The following MKI67 variants were observed in gnomAD, a reference collection of about 807,000 sequenced individuals.
MKI67 encodes proliferation marker protein Ki-67.
In MKI67, 152 loss-of-function variants were observed where a neutral mutation model predicts 233.5. That is an observed-to-expected ratio of 0.65 (90% CI 0.57 to 0.74). MKI67 has a LOEUF of 0.74. Ranked by LOEUF, MKI67 falls within the 30% of genes least tolerant of loss-of-function variation. The pLI, the probability that MKI67 is intolerant of heterozygous loss-of-function variation, is 0.00. For synonymous variants in MKI67, 1,465 were observed against 1,418.5 expected (o/e 1.03, Z -0.74); for missense variants, 3,940 against 3,885.2 (o/e 1.01, Z -0.37).
In MKI67 at chr10:128,103,672, T is replaced by A; in HGVS notation, c.8168A>T (p.His2723Leu). The change falls in exon 13 of 15, where the codon CAT (histidine) becomes CTT (leucine). Residue 2723 changes from histidine (H) to leucine (L), a missense_variant. His to Leu is a moderately conservative substitution (Grantham distance 99, BLOSUM62 -3). Transcript: ENST00000368654. ...VVDTTASTKR[H>L]LRTRVQKVQV... is the part of the protein sequence containing the mutation. ...TACCTTCTGCACACGTGTCCTGAGA[T>A]GCCTCTTTGTGCTTGCTGTGGTGTC... 1 of 1,614,188 alleles carries A rather than the reference T, an allele frequency of 6.2e-7. No individual in the cohort carries two copies. The highest frequency in any genetic ancestry group is 8.5e-7 in the Non-Finnish European group (1 of 1,180,030).
At chr10:128,116,961 T>C (rs780576178) in intron 5 of MKI67, among the ~76,000 whole-genome samples, 14 of 152,236 alleles carry the variant, frequency 9.2e-5, no homozygotes, top group Non-Finnish European at 1.9e-4. Flanking sequence ...ACCACTCGTA[T>C]ATGACTTTTA....
At chr10:128,099,285 T>C (rs1172629379) in intron 14 of MKI67, 30 bp from the exon 15 acceptor site, 1 of 1,586,644 alleles carries the variant, frequency 6.3e-7, no homozygotes, top group African/African-American at 1.4e-5. Context: ...ATAGAACTCT[T>C]AAGTAATTTA....
In MKI67 at chr10:128,109,257, A is replaced by C. The variant is rs1309621733; in HGVS notation, c.2583T>G (p.Thr861=). The C allele has an allele frequency of 6.2e-7, 1 of 1,614,026 alleles. No individual in the cohort carries two copies. Among genetic ancestry groups the C allele is most frequent in the Non-Finnish European group, 8.5e-7 (1 of 1,180,020 alleles). The part of the protein sequence containing the change: ...MTSLETKTSD[T]ETEPSKTVST... ...ATACTGTTTTTGAAGGCTCTGTCTC[A>C]GTATCTGAAGTTTTTGTCTCCAGAG... Residue 861 remains threonine, a synonymous_variant, in exon 13 of 15, where the codon ACT becomes ACG. Transcript: ENST00000368654.
Position 128,115,913 on chromosome 10 carries a change from G to T in MKI67, c.495C>A (p.Asp165Glu), listed in dbSNP as rs1038270605. ...TGTCTTTTGAGTCATCTGCGGTACTGTCTTCTTTGACATTCTTGATATGTA... is the reference window on the plus strand; with the variant it reads ...TGTCTTTTGAGTCATCTGCGGTACTTTCTTCTTTGACATTCTTGATATGTA... Reference protein sequence around the residue: ...PQVHIKNVKEDSTADDSKDSV... With the variant: ...PQVHIKNVKEESTADDSKDSV... The change falls in exon 7 of 15, where the codon GAC becomes GAA. Residue 165 changes from aspartate to glutamate, a missense_variant. Physicochemically the swap from Asp to Glu is conservative, Grantham distance 45. Transcript: ENST00000368654. 1 of 1,610,992 alleles carries T rather than the reference G, an allele frequency of 6.2e-7. No individual in the cohort carries two copies. The highest frequency in any genetic ancestry group is 8.5e-7 in the Non-Finnish European group (1 of 1,179,980).
In MKI67 at chr10:128,114,513, G is replaced by A. The variant is rs773316450; in HGVS notation, c.1480+415C>T. Among the ~76,000 whole-genome samples the A allele has an allele frequency of 2.7e-4, 41 of 152,210 alleles. 1 individual carries two copies. Among genetic ancestry groups the A allele is most frequent in the Admixed American group, 2.5e-3 (38 of 15,286 alleles). On this transcript the variant is annotated intron_variant, in intron 7 of 14. Transcript: ENST00000368654. ...AGAGTATCAACACCTGAGAACTACC[G>A]CTATGTTTAATGATTACCAGTGATT...
chr10:128,124,757 C>T (rs1565017381), intron 2 of MKI67, among the ~76,000 whole-genome samples: 1 of 152,210 alleles, frequency 6.6e-6, no homozygotes, highest in East Asian at 1.9e-4. Flanking sequence ...GGTGACATTT[C>T]ACCTGATGCC....
intron 14 of MKI67, among the ~76,000 whole-genome samples, chr10:128,099,903 C>T (rs1040773136): frequency 6.6e-6 from 1 of 152,230 alleles, no homozygotes; most frequent in Non-Finnish European, 1.5e-5. Context: ...CGGCAGAACA[C>T]ACCAGGCCTG....
rs1852505313 is a variant in MKI67, at chr10:128,106,645, GT to G, written c.5194del (p.Thr1732LeufsTer13). The G allele has an allele frequency of 6.2e-7, 1 of 1,614,194 alleles. No individual in the cohort carries two copies. Among genetic ancestry groups the G allele is most frequent in the Admixed American group, 1.7e-5 (1 of 60,020 alleles). ...TGAAGCTCTGTAGGATACTTTGGTA[GT>G]TTTTTCGTTAGTCATTGATTCCTTA... ...HTKESMTNEK[T>X]TKVSYRASQP... On this transcript the variant is annotated frameshift_variant, in exon 13 of 15. Coordinates refer to ENST00000368654, the MANE Select transcript of MKI67 (RefSeq NM_002417.5). LOFTEE classifies it high-confidence loss of function.
chr10:128,113,670 C>T (rs575435043), intron 7 of MKI67, 68 bp from the exon 8 acceptor site: 31 of 1,435,326 alleles, frequency 2.2e-5, no homozygotes, highest in South Asian at 1.1e-4. Flanking sequence ...ATTTATTTCA[C>T]GTTAGCATTA....
chr10:128,120,424 G>A (rs376797344), intron 4 of MKI67, among the ~76,000 whole-genome samples: 12 of 151,966 alleles, frequency 7.9e-5, no homozygotes, highest in African/African-American at 2.2e-4. Flanking sequence ...CCCGGGAGGC[G>A]GAGGTTGCAG....
intron 12 of MKI67, among the ~76,000 whole-genome samples, chr10:128,110,140 G>A (rs955722724): frequency 6.6e-6 from 1 of 152,188 alleles, no homozygotes; most frequent in African/African-American, 2.4e-5. Flanking sequence ...AGCCAAAAGT[G>A]TACACAGGTC....
rs201626061 is a variant in MKI67 at position 128,109,016 on chromosome 10, C to T, written c.2824G>A (p.Asp942Asn). The T allele has an allele frequency of 2.0e-5, 32 of 1,614,148 alleles. No homozygotes were observed. The Admixed American group carries it at 3.5e-4, about 18-fold the overall frequency. The change falls in exon 13 of 15, where the codon GAT becomes AAT. Residue 942 changes from aspartate (D) to asparagine (N), a missense_variant. Asp to Asn is a conservative substitution (Grantham distance 23, BLOSUM62 1). Coordinates refer to ENST00000368654, the MANE Select transcript of MKI67 (RefSeq NM_002417.5). ...YKENIELKEN[D>N]EKMKAMKRSR... ...CTCTTCATTGCTTTCATCTTTTCAT[C>T]GTTTTCTTTTAATTCAATATTTTCC...
At position 128,106,684 on chromosome 10, in the gene MKI67, G is replaced by A. The variant is rs1852506625; in HGVS notation, c.5156C>T (p.Thr1719Ile). Reference sequence around the variant, plus strand: ...CATTGATTCCTTAGTGTGACTTGGTGTCTGGAAGAGCTCGATGAAGCCGGC... The same window carrying A: ...CATTGATTCCTTAGTGTGACTTGGTATCTGGAAGAGCTCGATGAAGCCGGC... ...DLAGFIELFQTPSHTKESMTN... is the reference protein window; with the variant it reads ...DLAGFIELFQIPSHTKESMTN... The change falls in exon 13 of 15, where the codon ACA (threonine) becomes ATA (isoleucine). Residue 1719 changes from threonine (T) to isoleucine (I), a missense_variant. By Grantham distance (89) the Thr-to-Ile change is moderately conservative. Coordinates refer to ENST00000368654, the MANE Select transcript of MKI67 (RefSeq NM_002417.5). 1.9e-6 allele frequency: 3 copies of A among 1,614,092 alleles called. No individual in the cohort carries two copies. The highest frequency in any genetic ancestry group is 2.5e-6 in the Non-Finnish European group (3 of 1,180,054).
Position 128,106,240 on chromosome 10 carries a change from G to T in MKI67, c.5600C>A (p.Ala1867Glu). ...ILCKSPQSDP[A>E]DTPTNTKQRP... ...TTGCTTTGTGTTTGTTGGGGTGTCC[G>T]CTGGGTCTGATTGCGGAGATTTGCA... Residue 1867 changes from alanine (A) to glutamate (E), a missense_variant, in exon 13 of 15, where the codon GCG (alanine) becomes GAG (glutamate). Transcript: ENST00000368654. The T allele has an allele frequency of 6.2e-7, 1 of 1,613,174 alleles. No homozygotes were observed. Among genetic ancestry groups the T allele is most frequent in the Non-Finnish European group, 8.5e-7 (1 of 1,179,818 alleles).
Position 128,111,759 on chromosome 10 carries a change from T to C in MKI67, c.2146A>G (p.Thr716Ala), listed in dbSNP as rs1852681983. 6.2e-7 allele frequency: 1 copy of C among 1,614,038 alleles called. No individual in the cohort carries two copies. Among genetic ancestry groups the C allele is most frequent in the Admixed American group, 1.7e-5 (1 of 60,000 alleles). ...FSTGHANSPCTIIIGKAHTEK... is the reference protein window; with the variant it reads ...FSTGHANSPCAIIIGKAHTEK... ...GTATGAGCTTTCCCTATTATTATGG[T>C]ACAAGGAGAGTTTGCGTGGCCTGTA... Residue 716 changes from threonine to alanine, a missense_variant, in exon 11 of 15, where the codon ACC becomes GCC. Transcript: ENST00000368654.
At position 128,107,439 on chromosome 10, in the gene MKI67, C is replaced by T; in HGVS notation, c.4401G>A (p.Leu1467=). Residue 1467 remains leucine (L), a synonymous_variant, in exon 13 of 15, where the codon CTG becomes CTA. Transcript: ENST00000368654. ...TCTGGAAGAGCTCTTTCAAGCCAGC[C>T]AGGTCTTCTAGGGGTTGGGCCTTTT... The part of the protein sequence containing the change: ...TKEKAQPLED[L]AGLKELFQTP... 6.2e-7 allele frequency: 1 copy of T among 1,614,116 alleles called. No homozygotes were observed. The highest frequency in any genetic ancestry group is 8.5e-7 in the Non-Finnish European group (1 of 1,180,024).
Position 128,102,932 on chromosome 10 carries a change from G to A in MKI67, c.8908C>T (p.Pro2970Ser), listed in dbSNP as rs1443774392. ...CTGGTGCTTACCACGTCTCCCACGG[G>A]TTCTACTTTAGGGGCCCGAAGAACT... ...RRVLRAPKVEPVGDVVSTRDP... is the reference protein window; with the variant it reads ...RRVLRAPKVESVGDVVSTRDP... The change falls in exon 13 of 15, where the codon CCC becomes TCC. Residue 2970 changes from proline to serine, a missense_variant. Transcript: ENST00000368654. 1.9e-6 allele frequency: 3 copies of A among 1,614,234 alleles called. No individual in the cohort carries two copies. Among genetic ancestry groups the A allele is most frequent in the Non-Finnish European group, 2.5e-6 (3 of 1,180,044 alleles).
At chr10:128,118,733 T>C (rs995762141) in intron 5 of MKI67, among the ~76,000 whole-genome samples, 1 of 152,224 alleles carries the variant, frequency 6.6e-6, no homozygotes, top group Non-Finnish European at 1.5e-5. Context: ...GAATACCTGT[T>C]CCACACTGAT....
At position 128,106,450 on chromosome 10, in the gene MKI67, G is replaced by A. The variant is rs201750431; in HGVS notation, c.5390C>T (p.Thr1797Met). 1.1e-5 allele frequency: 18 copies of A among 1,613,262 alleles called. No individual in the cohort carries two copies. The highest frequency in any genetic ancestry group is 8.9e-5 in the East Asian group (4 of 44,800). The change falls in exon 13 of 15, where the codon ACG becomes ATG. Residue 1797 changes from threonine to methionine, a missense_variant. Thr to Met is a moderately conservative substitution (Grantham distance 81). Transcript: ENST00000368654. The part of the protein sequence containing the change: ...PAVGEEKDIN[T>M]FLGTPVQKLD... ...TTTCTGCACTGGAGTTCCCAAAAAC[G>A]TGTTGATGTCTTTCTCTTCACCTAC... is the stretch of plus-strand genomic sequence containing the variant.
Sources: gnomAD v4.1 joint callset for allele counts (sites outside exome capture counted in the v4.1 genomes callset) on GRCh38, gnomAD v4.1.1 for gene constraint, MANE v1.5 for transcripts, NCBI Gene and HGNC (gene_info 2026-07-23, HGNC 2026-07-21) for gene names.